The following POLR2B variants were observed in gnomAD, a reference collection of about 807,000 sequenced individuals.
The protein encoded by POLR2B is DNA-directed RNA polymerase II subunit RPB2.
A neutral mutation model predicts 144.6 loss-of-function variants in POLR2B; 57 were observed. The ratio of observed to expected loss-of-function variants is 0.39; its 90% CI spans 0.32 to 0.49. POLR2B has a LOEUF of 0.49. Ranked by LOEUF, POLR2B falls within the 20% of genes least tolerant of loss-of-function variation. POLR2B has a pLI of 0.83. For synonymous variants in POLR2B, 442 were observed against 469.8 expected, an observed-to-expected ratio of 0.94 and a Z score of 0.77; for missense variants, 595 against 1,467.4, an observed-to-expected ratio of 0.41 and a Z score of 9.71.
chr4:57,023,363 A>G lies in POLR2B; in HGVS notation c.2549A>G (p.Asp850Gly). 6.2e-7 allele frequency: 1 copy of G among 1,613,990 alleles called. No individual in the cohort carries two copies. The highest frequency in any genetic ancestry group is 1.1e-5 in the South Asian group (1 of 91,078). ...CATGCCATTTACGACAAGCTGGATGATGATGGTTTGATAGCTCCAGGGGTT... is the reference window on the plus strand; with the variant it reads ...CATGCCATTTACGACAAGCTGGATGGTGATGGTTTGATAGCTCCAGGGGTT... ...MRHAIYDKLDDDGLIAPGVRV... is the reference protein window; with the variant it reads ...MRHAIYDKLDGDGLIAPGVRV... Residue 850 changes from aspartate (D) to glycine (G), a missense_variant, in exon 19 of 25, where the codon GAT becomes GGT. Physicochemically the swap from Asp to Gly is moderately conservative, Grantham distance 94. Around this residue, in one of 9 missense-constraint regions of POLR2B, gnomAD observed 75 missense variants for 100.0 expected, o/e 0.75. Transcript: ENST00000314595. The surrounding 1 kb of genome is among the most constrained non-coding windows in gnomAD (Gnocchi z 4.3).
At chr4:57,025,309 T>C in intron 22 of POLR2B, 68 bp from the exon 23 acceptor site, 1 of 1,087,676 alleles carries the variant, frequency 9.2e-7, no homozygotes, top group Non-Finnish European at 1.4e-6. Context: ...TAACACAATA[T>C]ATACACATAT....
intron 1 of POLR2B, among the ~76,000 whole-genome samples, chr4:56,979,720 G>A (rs1017340932): frequency 1.3e-5 from 2 of 152,062 alleles, no homozygotes; most frequent in Admixed American, 6.6e-5. Flanking sequence ...CAAACATGGG[G>A]AAATCCTGTA....
chr4:57,025,043 T>G (rs560545798), intron 22 of POLR2B, 44 bp downstream of exon 22: 4 of 885,350 alleles, frequency 4.5e-6, no homozygotes, highest in East Asian at 4.9e-5. Flanking sequence ...TGTTTTTTTT[T>G]GTATGTGTGT....
chr4:57,013,096 C>A (rs1723245845), intron 13 of POLR2B, among the ~76,000 whole-genome samples: 1 of 152,128 alleles, frequency 6.6e-6, no homozygotes, highest in South Asian at 2.1e-4. Flanking sequence ...CTGCCTCAGC[C>A]TCCCAAAGTG....
At chr4:56,985,425 G>A (rs1397046195) in intron 1 of POLR2B, 5 of 984,628 alleles carry the variant, frequency 5.1e-6, no homozygotes, top group African/African-American at 3.5e-5. Context: ...ACTCCCCCCC[G>A]CCGCCCCGTG....
chr4:57,030,425 G>T, intron 24 of POLR2B, 26 bp downstream of exon 24: 2 of 1,545,294 alleles, frequency 1.3e-6, no homozygotes, highest in African/African-American at 1.4e-5. Context: ...ACTGGCAGTT[G>T]ATATTTGTTT....
At chr4:57,016,497 G>A (rs533778027) in intron 14 of POLR2B, among the ~76,000 whole-genome samples, 2 of 151,632 alleles carry the variant, frequency 1.3e-5, no homozygotes, top group Non-Finnish European at 2.9e-5. Context: ...TACCAGCCTG[G>A]GCAACAGAGC....
chr4:56,987,175 C>T (rs1722360973), intron 2 of POLR2B, among the ~76,000 whole-genome samples: 1 of 152,142 alleles, frequency 6.6e-6, no homozygotes, highest in African/African-American at 2.4e-5. Context: ...TGCATCATAT[C>T]AGGAGGCATG....
intron 23 of POLR2B, 73 bp downstream of exon 23, chr4:57,025,610 G>A: frequency 9.7e-7 from 1 of 1,031,228 alleles, no homozygotes; most frequent in Non-Finnish European, 1.5e-6. Flanking sequence ...CCAAAATGGA[G>A]ATAGTGGTAT....
Position 56,990,876 on chromosome 4 carries a change from C to T in POLR2B, c.221C>T (p.Ala74Val), listed in dbSNP as rs566551947. 9.3e-6 allele frequency: 15 copies of T among 1,612,032 alleles called. No homozygotes were observed. In the African/African-American group the frequency reaches 2.0e-4, roughly 22 times the overall value. ...GACCTACAGGCTGAAGCTCAGCATG[C>T]TAGTGGAGAAGTTGAAGAACCGGTA... is the stretch of plus-strand genomic sequence containing the variant. ...PIDLQAEAQHASGEVEEPPRY... is the reference protein window; with the variant it reads ...PIDLQAEAQHVSGEVEEPPRY... The change falls in exon 3 of 25, where the codon GCT becomes GTT. Residue 74 changes from alanine to valine, a missense_variant. Coordinates refer to ENST00000314595, the MANE Select transcript of POLR2B (RefSeq NM_000938.3).
chr4:56,995,377 A>G lies in POLR2B; in HGVS notation c.703A>G (p.Ile235Val). ...GAATTCTTCCCGACCCACCAGTACT[A>G]TATGGGTTAGCATGCTGGCAAGAGG... ...LENSSRPTSTIWVSMLARGGQ... is the reference protein window; with the variant it reads ...LENSSRPTSTVWVSMLARGGQ... The change falls in exon 6 of 25, where the codon ATA becomes GTA. Residue 235 changes from isoleucine (I) to valine (V), a missense_variant. Transcript: ENST00000314595. The G allele has an allele frequency of 1.9e-6, 3 of 1,611,954 alleles. No individual in the cohort carries two copies. Among genetic ancestry groups the G allele is most frequent in the Non-Finnish European group, 2.5e-6 (3 of 1,178,338 alleles).
At chr4:57,029,810 G>A (rs1051944913) in intron 23 of POLR2B, among the ~76,000 whole-genome samples, 5 of 152,108 alleles carry the variant, frequency 3.3e-5, no homozygotes, top group African/African-American at 1.2e-4. Context: ...GCTTTATTGT[G>A]TCTTATGAGG....
chr4:57,025,276 C>A, intron 22 of POLR2B, 101 bp from the exon 23 acceptor site: 1 of 895,862 alleles, frequency 1.1e-6, no homozygotes, highest in Non-Finnish European at 1.8e-6. Flanking sequence ...TAGTTCTGTG[C>A]TTTAATTTTT....
At chr4:56,979,608 T>A (rs1442823973) in intron 1 of POLR2B, among the ~76,000 whole-genome samples, 1 of 152,176 alleles carries the variant, frequency 6.6e-6, no homozygotes, top group South Asian at 2.1e-4. Flanking sequence ...GTATAATACC[T>A]GTTTGTTTGC....
Position 56,994,877 on chromosome 4 carries a change from A to G in POLR2B, c.576+11A>G. 1 of 1,400,708 alleles carries G rather than the reference A, an allele frequency of 7.1e-7. No individual in the cohort carries two copies. Among genetic ancestry groups the G allele is most frequent in the South Asian group, 1.3e-5 (1 of 76,324 alleles). 86.8% of individuals were successfully genotyped at this position (1,400,708 alleles called of 1,614,324 possible). A position where few individuals can be genotyped will look rare whatever the true frequency, so the allele number is the denominator to read the frequency against. ...AATGGATCAGAAAAGGTATAGTAAC[A>G]TTATTTTAAAAAATTACAAAATGGT... On this transcript the variant is annotated intron_variant, in intron 5 of 24. Coordinates refer to ENST00000314595, the MANE Select transcript of POLR2B (RefSeq NM_000938.3).
chr4:57,006,399 G>A (rs1338620524), intron 9 of POLR2B, among the ~76,000 whole-genome samples: 1 of 152,166 alleles, frequency 6.6e-6, no homozygotes, highest in Non-Finnish European at 1.5e-5. Flanking sequence ...CTGCCTCCAG[G>A]GTTCAAGCGG....
intron 2 of POLR2B, among the ~76,000 whole-genome samples, chr4:56,988,938 T>A (rs1382953678): frequency 1.3e-5 from 2 of 152,252 alleles, no homozygotes; most frequent in Non-Finnish European, 2.9e-5. Flanking sequence ...TTGTGAACTG[T>A]CATAGCATTT....
rs78866623 is a variant in POLR2B, at chr4:57,014,342, C to T, written c.1801-1160C>T. ...CTGAGGGGCTGGGATTACAGGCGCA[C>T]ACCACCACGCCCAGATAATTTTTGT... On this transcript the variant is annotated intron_variant, in intron 13 of 24. Coordinates refer to ENST00000314595, the MANE Select transcript of POLR2B (RefSeq NM_000938.3). Among the ~76,000 whole-genome samples, 434 of 151,332 alleles carry T rather than the reference C, an allele frequency of 2.9e-3. 1 individual carries two copies. Among genetic ancestry groups the T allele is most frequent in the African/African-American group, 0.01 (413 of 41,212 alleles).
At position 57,030,790 on chromosome 4, in the gene POLR2B, A is replaced by G. The variant is rs114437234; in HGVS notation, c.3436-109A>G. Reference sequence around the variant, plus strand: ...TAGCAGAATGTGTGTTCTCAGCTCCACTCATTTATTCATTATCTACAGTAC... The same window carrying G: ...TAGCAGAATGTGTGTTCTCAGCTCCGCTCATTTATTCATTATCTACAGTAC... On this transcript the variant is annotated intron_variant, in intron 24 of 24. Transcript: ENST00000314595. The G allele has an allele frequency of 1.1e-3, 754 of 680,266 alleles. 4 individuals are homozygous for G. In the African/African-American group the frequency reaches 0.012, roughly 11 times the overall value. The allele number at this position is 680,266 out of a possible 1,614,324, so 42.1% of individuals were successfully genotyped here.
Sources: allele counts gnomAD v4.1 joint callset (sites outside exome capture counted in the v4.1 genomes callset), GRCh38; gene constraint gnomAD v4.1.1; regional missense constraint gnomAD v4.1.1; non-coding constraint Gnocchi (gnomAD v3.1); transcripts MANE v1.5; gene names NCBI Gene and HGNC (gene_info 2026-07-23, HGNC 2026-07-21).